The following RUNX1T1 variants were observed in gnomAD, a reference collection of about 807,000 sequenced individuals.
RUNX1T1 encodes the protein protein CBFA2T1.
Under a neutral mutation model 62.8 loss-of-function variants are expected in RUNX1T1, and 4 were observed. That is an observed-to-expected ratio of 0.06 (90% confidence interval 0.03 to 0.15). The LOEUF (loss-of-function observed/expected upper bound fraction) is 0.15, where lower values mean the gene tolerates loss of function less well. RUNX1T1 is among the 10% of genes least tolerant of loss of function. RUNX1T1 has a pLI of 1.00. For synonymous variants in RUNX1T1, 291 were observed against 286.0 expected (o/e 1.02, Z -0.18); for missense variants, 508 against 754.3 (o/e 0.67, Z 3.82).
At chr8:92,002,510 C>T (rs1373182495) in intron 5 of RUNX1T1, among the ~76,000 whole-genome samples, 1 of 152,114 alleles carries the variant, frequency 6.6e-6, no homozygotes, top group Non-Finnish European at 1.5e-5. Flanking sequence ...CTGTTTAGTA[C>T]ATTAACTCAG....
At chr8:91,997,812 C>T (rs1046198174) in intron 5 of RUNX1T1, among the ~76,000 whole-genome samples, 4 of 152,052 alleles carry the variant, frequency 2.6e-5, no homozygotes, top group Non-Finnish European at 5.9e-5. Context: ...CAAGTCCCAT[C>T]CCTAGACTGT....
At chr8:92,081,670 C>G (rs1835295754) in intron 1 of RUNX1T1, among the ~76,000 whole-genome samples, 1 of 150,192 alleles carries the variant, frequency 6.7e-6, no homozygotes, top group East Asian at 1.9e-4. Context: ...CAGCAATTTC[C>G]ACCTGGAAAA....
intron 1 of RUNX1T1, among the ~76,000 whole-genome samples, chr8:92,047,233 C>T (rs1453534360): frequency 6.6e-6 from 1 of 152,082 alleles, no homozygotes; most frequent in African/African-American, 2.4e-5. Context: ...CAATCCACAC[C>T]ACACTCTACC....
intron 1 of RUNX1T1, among the ~76,000 whole-genome samples, chr8:92,025,557 C>T (rs1350553805): frequency 1.3e-5 from 2 of 152,182 alleles, no homozygotes; most frequent in East Asian, 3.9e-4. Flanking sequence ...AGCCAGAAAC[C>T]TTTTGCTGAC....
chr8:92,003,117 G>A lies in RUNX1T1; in HGVS notation c.659+1999C>T, dbSNP rs949958988. On this transcript the variant is annotated intron_variant, in intron 5 of 10. Coordinates refer to ENST00000396218, the Ensembl canonical transcript of RUNX1T1. Reference sequence around the variant, plus strand: ...GATTAACCATGTGAACTCTGACTCTGGCAACCATCCATGAAAAACCAAAGG... The same window carrying A: ...GATTAACCATGTGAACTCTGACTCTAGCAACCATCCATGAAAAACCAAAGG... Among the ~76,000 whole-genome samples the A allele has an allele frequency of 8.5e-5, 13 of 152,098 alleles. 1 individual carries two copies. The highest frequency in any genetic ancestry group is 3.1e-4 in the African/African-American group (13 of 41,422).
At chr8:92,017,618 G>C in intron 1 of RUNX1T1, 1 of 1,350,306 alleles carries the variant, frequency 7.4e-7, no homozygotes, top group Non-Finnish European at 9.5e-7. Flanking sequence ...TTAGGCAGAT[G>C]CTACCTTGGT....
chr8:92,096,818 A>G lies in RUNX1T1; in HGVS notation c.-86+2762T>C, dbSNP rs564219823. 3.7e-4 allele frequency among the ~76,000 whole-genome samples: 56 copies of G among 152,296 alleles called. No individual in the cohort carries two copies. The South Asian group carries it at 6.8e-3, about 19-fold the overall frequency. On this transcript the variant is annotated intron_variant, in intron 1 of 11. Transcript: ENST00000265814. ...GGGTAAGGCTAGTGAGTAGAAAAAA[A>G]AACAATAGCAAGAGAACTAGCCCCT... is the stretch of plus-strand genomic sequence containing the variant.
chr8:92,015,651 C>T (rs577817856), intron 2 of RUNX1T1, among the ~76,000 whole-genome samples: 4 of 152,172 alleles, frequency 2.6e-5, no homozygotes, highest in Non-Finnish European at 5.9e-5. Flanking sequence ...AAATCTGCAT[C>T]GTTTGCATTA....
At chr8:91,969,467 A>T (rs1812312931) in intron 10 of RUNX1T1, among the ~76,000 whole-genome samples, 2 of 146,884 alleles carry the variant, frequency 1.4e-5, no homozygotes, top group Non-Finnish European at 3.0e-5. Flanking sequence ...TCTCCTCAAA[A>T]GATGCTAATA....
intron 10 of RUNX1T1, among the ~76,000 whole-genome samples, chr8:91,967,776 T>TA (rs1327746029): frequency 6.6e-6 from 1 of 152,208 alleles, no homozygotes; most frequent in Non-Finnish European, 1.5e-5. Context: ...TCTTACCACA[T>TA]ATACGTTGTT....
intron 9 of RUNX1T1, among the ~76,000 whole-genome samples, 176 bp downstream of exon 10, chr8:91,975,729 G>C (rs1197990163): frequency 6.6e-6 from 1 of 152,144 alleles, no homozygotes; most frequent in South Asian, 2.1e-4. Flanking sequence ...TTGTAATCAG[G>C]CCTGGTTTAA....
chr8:92,066,168 C>T (rs1832840794), upstream of RUNX1T1, among the ~76,000 whole-genome samples: 1 of 152,156 alleles, frequency 6.6e-6, no homozygotes, highest in South Asian at 2.1e-4. Context: ...ACTTGATAAA[C>T]TGAATGAGAA....
intron 1 of RUNX1T1, among the ~76,000 whole-genome samples, chr8:92,025,389 C>T (rs1824952854): frequency 6.6e-6 from 1 of 152,162 alleles, no homozygotes; most frequent in Non-Finnish European, 1.5e-5. Flanking sequence ...CACCCCATCC[C>T]CACCTCTGAC....
At position 92,094,880 on chromosome 8, in the gene RUNX1T1, A is replaced by C. The variant is rs114706512; in HGVS notation, c.-86+4700T>G. 2,371 of 613,574 alleles carry C rather than the reference A, an allele frequency of 3.9e-3. 45 individuals are homozygous for C. Among genetic ancestry groups the C allele is most frequent in the African/African-American group, 0.038 (2,072 of 54,424 alleles). The allele number at this position is 613,574 out of a possible 1,614,324, so 38.0% of individuals were successfully genotyped here. A position where few individuals can be genotyped will look rare whatever the true frequency, so the allele number is the denominator to read the frequency against. ...TAAAAATGAACTAATCAAGTTGTTA[A>C]GCAGCTTTGTCTCTCCCTTCTTCAT... On this transcript the variant is annotated intron_variant, in intron 1 of 11. Coordinates refer to the RUNX1T1 transcript ENST00000265814.
chr8:92,040,876 T>C (rs1411336944), intron 1 of RUNX1T1, among the ~76,000 whole-genome samples: 1 of 152,054 alleles, frequency 6.6e-6, no homozygotes, highest in East Asian at 1.9e-4. Flanking sequence ...AATAAAATAA[T>C]ATAAATTTTT....
chr8:92,030,998 C>T (rs1826115414), intron 1 of RUNX1T1, among the ~76,000 whole-genome samples: 1 of 152,210 alleles, frequency 6.6e-6, no homozygotes, highest in Admixed American at 6.5e-5. Context: ...ATATGTGGAA[C>T]CAAACCTAAC....
chr8:92,043,598 T>C (rs970998246), intron 1 of RUNX1T1, among the ~76,000 whole-genome samples: 22 of 152,252 alleles, frequency 1.4e-4, no homozygotes, highest in African/African-American at 4.8e-4. Flanking sequence ...ACACTAAAGA[T>C]GGTATACATA....
intron 2 of RUNX1T1, 36 bp from the exon 4 acceptor site, chr8:92,014,856 C>T (rs762825854): frequency 2.4e-5 from 37 of 1,563,968 alleles, no homozygotes; most frequent in Non-Finnish European, 3.1e-5. Context: ...AAGTCATAAA[C>T]TTACAGAGAA....
At chr8:92,020,494 G>A (rs1249180453) in intron 1 of RUNX1T1, among the ~76,000 whole-genome samples, 1 of 151,874 alleles carries the variant, frequency 6.6e-6, no homozygotes, top group Non-Finnish European at 1.5e-5. Context: ...TGCAATAGGG[G>A]AGTTCTGACA....
Sources: allele counts gnomAD v4.1 joint callset (sites outside exome capture counted in the v4.1 genomes callset), GRCh38; gene constraint gnomAD v4.1.1; transcripts MANE v1.5; gene names NCBI Gene and HGNC (gene_info 2026-07-23, HGNC 2026-07-21).